The following GNAL variants were observed in gnomAD, a reference collection of about 807,000 sequenced individuals.
GNAL encodes G protein subunit alpha L, also known as guanine nucleotide-binding protein G(olf) subunit alpha.
In GNAL, 18 loss-of-function variants were observed where a neutral mutation model predicts 55.1. That is an observed-to-expected ratio of 0.33 (90% CI 0.23 to 0.48). The LOEUF is 0.48. GNAL is among the 20% of genes least tolerant of loss of function. GNAL has a pLI of 0.99. For synonymous variants in GNAL, 253 were observed against 237.0 expected (o/e 1.07, Z -0.62); for missense variants, 412 against 614.1 (o/e 0.67, Z 3.48).
Position 11,882,627 on chromosome 18 carries a change from A to T in GNAL, c.*1492A>T, listed in dbSNP as rs1466829194. On this transcript the variant is annotated 3_prime_UTR_variant, in exon 12 of 12. Coordinates refer to ENST00000334049, the MANE Select transcript of GNAL (RefSeq NM_182978.4). ...CTTGAACCTGGGAGGTGGAGATTGC[A>T]GTGAGCCGAGGTCGTGCCATCGCAC... is the stretch of plus-strand genomic sequence containing the variant. 1 of 140,376 alleles carries T rather than the reference A, an allele frequency of 7.1e-6. No individual in the cohort carries two copies. Among genetic ancestry groups the T allele is most frequent in the Non-Finnish European group, 1.5e-5 (1 of 66,490 alleles). The allele number at this position is 140,376 out of a possible 1,614,324, so 8.7% of individuals were successfully genotyped here.
intron 4 of GNAL, among the ~76,000 whole-genome samples, chr18:11,755,975 T>A (rs1340416065): frequency 6.6e-6 from 1 of 152,200 alleles, no homozygotes; most frequent in Non-Finnish European, 1.5e-5. Context: ...AGCATCTGAG[T>A]TCTTGGATTT....
At chr18:11,698,437 G>A (rs1285262874) in intron 1 of GNAL, among the ~76,000 whole-genome samples, 4 of 146,398 alleles carry the variant, frequency 2.7e-5, no homozygotes, top group Middle Eastern at 3.6e-3. Context: ...GTTGCAGTGA[G>A]CCAAGATTGC....
chr18:11,843,590 A>G (rs1041712306), intron 5 of GNAL, among the ~76,000 whole-genome samples: 3 of 152,158 alleles, frequency 2.0e-5, no homozygotes, highest in Admixed American at 1.3e-4. Flanking sequence ...TTAAAAATAA[A>G]TTATTTCTAG....
chr18:11,763,762 G>T (rs1051355051), intron 4 of GNAL, among the ~76,000 whole-genome samples: 37 of 152,180 alleles, frequency 2.4e-4, no homozygotes, highest in African/African-American at 8.9e-4. Flanking sequence ...AATAAATAAT[G>T]ATATTGGTAA....
At chr18:11,809,916 T>C (rs1444134683) in intron 4 of GNAL, among the ~76,000 whole-genome samples, 1 of 152,260 alleles carries the variant, frequency 6.6e-6, no homozygotes, top group Non-Finnish European at 1.5e-5. Context: ...TTGACAGACT[T>C]ACAGCTACTG....
intron 4 of GNAL, among the ~76,000 whole-genome samples, chr18:11,783,702 C>G (rs1292393667): frequency 2.0e-5 from 3 of 152,148 alleles, no homozygotes; most frequent in African/African-American, 7.2e-5. Flanking sequence ...TATTTTAACG[C>G]TATACAAATA....
intron 4 of GNAL, among the ~76,000 whole-genome samples, chr18:11,793,566 A>AGCT (rs1389176652): frequency 5.6e-4 from 84 of 148,872 alleles, no homozygotes; most frequent in African/African-American, 2.1e-3. Flanking sequence ...TGAACAATAG[A>AGCT]GCAAGATCCT....
intron 9 of GNAL, 21 bp from the exon 10 acceptor site, chr18:11,872,247 T>C (rs747206455): frequency 1.3e-6 from 2 of 1,536,208 alleles, no homozygotes; most frequent in East Asian, 2.3e-5. Flanking sequence ...GAAATTTGTA[T>C]GTTTATTTTT....
chr18:11,881,313 G>A lies in GNAL; in HGVS notation c.*178G>A. On this transcript the variant is annotated 3_prime_UTR_variant, in exon 12 of 12. Coordinates refer to ENST00000334049, the MANE Select transcript of GNAL (RefSeq NM_182978.4). The surrounding 1 kb of genome is among the most constrained non-coding windows in gnomAD (Gnocchi z 4.8). ...CAGGTTTGGTTGTGTAGCTTCTGTT[G>A]TCATTGAATACGGCCTCCCGCAGCA... is the stretch of plus-strand genomic sequence containing the variant. 2 of 556,102 alleles carry A rather than the reference G, an allele frequency of 3.6e-6. No homozygotes were observed. Among genetic ancestry groups the A allele is most frequent in the South Asian group, 5.5e-5 (2 of 36,140 alleles). The allele number at this position is 556,102 out of a possible 1,614,324, so 34.4% of individuals were successfully genotyped here.
intron 1 of GNAL, among the ~76,000 whole-genome samples, chr18:11,708,503 A>G (rs1321166912): frequency 6.6e-6 from 1 of 152,234 alleles, no homozygotes; most frequent in East Asian, 1.9e-4. Context: ...AGATATAATA[A>G]TAATGCAAAT....
intron 5 of GNAL, among the ~76,000 whole-genome samples, chr18:11,855,929 G>A (rs1200250242): frequency 2.7e-5 from 4 of 150,772 alleles, no homozygotes; most frequent in African/African-American, 9.9e-5. Context: ...CCGAGATCGC[G>A]CCATTGCACT....
At chr18:11,879,853 G>A (rs1461340054) in intron 11 of GNAL, among the ~76,000 whole-genome samples, 2 of 152,138 alleles carry the variant, frequency 1.3e-5, no homozygotes, top group Non-Finnish European at 2.9e-5. Flanking sequence ...ACGTTCCCCC[G>A]ATAACCAGGG....
At chr18:11,730,300 C>T (rs1405568372) in intron 1 of GNAL, among the ~76,000 whole-genome samples, 1 of 151,840 alleles carries the variant, frequency 6.6e-6, no homozygotes, top group African/African-American at 2.4e-5. Flanking sequence ...GCTGGGATTA[C>T]AGGTGCCGGC....
At chr18:11,768,903 A>T (rs183967975) in intron 4 of GNAL, among the ~76,000 whole-genome samples, 15,686 of 113,028 alleles carry the variant, frequency 0.14, 1,827 homozygotes, top group East Asian at 0.31. Context: ...CAAAAAAAAA[A>T]AAAAATATAT....
intron 1 of GNAL, among the ~76,000 whole-genome samples, chr18:11,732,791 A>C (rs991689715): frequency 4.6e-5 from 7 of 152,230 alleles, no homozygotes; most frequent in African/African-American, 1.7e-4. Flanking sequence ...TGTCAATGTA[A>C]ATGTTAAATC....
chr18:11,796,719 G>A (rs2034399157), intron 4 of GNAL, among the ~76,000 whole-genome samples: 1 of 151,780 alleles, frequency 6.6e-6, no homozygotes, highest in Non-Finnish European at 1.5e-5. Context: ...TCTCAGTATA[G>A]CTACTGATTT....
chr18:11,690,158 A>G (rs1045200387), intron 1 of GNAL, among the ~76,000 whole-genome samples: 1 of 152,024 alleles, frequency 6.6e-6, no homozygotes, highest in Admixed American at 6.6e-5. Context: ...GGAGGACACT[A>G]CGGGCTGATT....
chr18:11,752,407 T>A lies in GNAL; in HGVS notation c.377-446T>A. The stretch of plus-strand genomic sequence containing the variant: ...TTGCTTTTTGCGCACATTCCTAACT[T>A]CCTGACGTCCATCCCAGCGGGCAGG... On this transcript the variant is annotated intron_variant, in intron 1 of 11. Transcript: ENST00000334049. This position sits in a 1 kb window ranked among gnomAD's most constrained non-coding sequence, Gnocchi z 4.5. The A allele has an allele frequency of 6.3e-7, 1 of 1,594,592 alleles. No individual in the cohort carries two copies.
At chr18:11,697,645 G>A (rs566020368) in intron 1 of GNAL, among the ~76,000 whole-genome samples, 1 of 152,290 alleles carries the variant, frequency 6.6e-6, no homozygotes, top group African/African-American at 2.4e-5. Flanking sequence ...GTGTCTGTGG[G>A]TGTGGGCAAA....
Sources: allele counts gnomAD v4.1 joint callset (sites outside exome capture counted in the v4.1 genomes callset), GRCh38; gene constraint gnomAD v4.1.1; non-coding constraint Gnocchi (gnomAD v3.1); transcripts MANE v1.5; gene names NCBI Gene and HGNC (gene_info 2026-07-23, HGNC 2026-07-21).